PTPRT: variants seen among roughly 807,000 people sequenced by gnomAD.
PTPRT encodes protein tyrosine phosphatase receptor type T.
In PTPRT, 56 loss-of-function variants were observed where a neutral mutation model predicts 176.8. The observed-to-expected ratio is 0.32, with a 90% CI of 0.26 to 0.40. The LOEUF is 0.40. Ranked by LOEUF, PTPRT falls within the 10% of genes least tolerant of loss-of-function variation. PTPRT has a pLI of 1.00. For missense variants in PTPRT, 1,540 were observed against 1,908.2 expected, an observed-to-expected ratio of 0.81 and a Z score of 3.60; for synonymous variants, 783 against 739.0, an observed-to-expected ratio of 1.06 and a Z score of -0.96.
chr20:42,586,928 T>C (rs1309667396), intron 7 of PTPRT, among the ~76,000 whole-genome samples: 1 of 152,084 alleles, frequency 6.6e-6, no homozygotes, highest in Non-Finnish European at 1.5e-5. Flanking sequence ...AGCGCAGTCA[T>C]TGGGAGTGAG....
chr20:42,440,966 T>C (rs2059311123), intron 9 of PTPRT, among the ~76,000 whole-genome samples: 1 of 152,174 alleles, frequency 6.6e-6, no homozygotes, highest in South Asian at 2.1e-4. Context: ...CCCTATGTTA[T>C]GGGGAGCAAT....
intron 9 of PTPRT, among the ~76,000 whole-genome samples, chr20:42,423,355 G>A (rs1047975615): frequency 9.9e-5 from 15 of 152,114 alleles, no homozygotes; most frequent in South Asian, 4.2e-4. Context: ...GGAATGACAC[G>A]TCACCCAGGG....
At chr20:42,128,677 A>G (rs970722568) in intron 19 of PTPRT, 77 bp downstream of exon 19, 9 of 1,312,372 alleles carry the variant, frequency 6.9e-6, no homozygotes, top group Admixed American at 2.3e-5. Context: ...CACCTTCTGG[A>G]GGAGAGTTTG....
At chr20:42,694,810 T>C (rs988737363) in intron 6 of PTPRT, among the ~76,000 whole-genome samples, 4 of 152,220 alleles carry the variant, frequency 2.6e-5, no homozygotes, top group South Asian at 2.1e-4. Context: ...ATCTCATCTG[T>C]ACAGCCTAGT....
chr20:42,793,796 T>C (rs1342713559), intron 2 of PTPRT, among the ~76,000 whole-genome samples: 7 of 152,050 alleles, frequency 4.6e-5, no homozygotes, highest in Non-Finnish European at 1.0e-4. Flanking sequence ...TGCCACAGGG[T>C]TCCAAAAGGT....
Position 42,888,224 on chromosome 20 carries a change from CA to C in PTPRT, c.89-2293del, listed in dbSNP as rs1297992245. Reference sequence around the variant, plus strand: ...CCAGGAATATCAGCATTCAACTTTTCAGGAGCAAAATATAAACTTTTCTTGT... The same window carrying C: ...CCAGGAATATCAGCATTCAACTTTTCGGAGCAAAATATAAACTTTTCTTGT... On this transcript the variant is annotated intron_variant, in intron 1 of 30. Transcript: ENST00000373187. Among the ~76,000 whole-genome samples, 7 of 152,096 alleles carry C rather than the reference CA, an allele frequency of 4.6e-5. No homozygotes were observed. In the East Asian group the frequency reaches 1.3e-3, roughly 29 times the overall value.
At chr20:42,164,982 T>C (rs750584990) in intron 16 of PTPRT, among the ~76,000 whole-genome samples, 6 of 152,226 alleles carry the variant, frequency 3.9e-5, no homozygotes, top group Non-Finnish European at 8.8e-5. Flanking sequence ...ACTTTTTATA[T>C]AGCTGTTACC....
chr20:42,268,192 C>T (rs559346410), intron 13 of PTPRT, among the ~76,000 whole-genome samples: 1 of 152,224 alleles, frequency 6.6e-6, no homozygotes, highest in South Asian at 2.1e-4. Flanking sequence ...AACAAAAACA[C>T]CCTTTGAAAG....
intron 11 of PTPRT, among the ~76,000 whole-genome samples, chr20:42,320,262 C>A (rs2057781418): frequency 6.6e-6 from 1 of 152,136 alleles, no homozygotes; most frequent in Non-Finnish European, 1.5e-5. Context: ...TTTGGAAAAG[C>A]CTGCTGCTTG....
chr20:42,654,742 G>T (rs2075093638), intron 7 of PTPRT, among the ~76,000 whole-genome samples: 1 of 152,110 alleles, frequency 6.6e-6, no homozygotes, highest in African/African-American at 2.4e-5. Context: ...TATAGATAAG[G>T]AATTAGCCCA....
At chr20:42,182,897 T>C (rs1250503797) in intron 16 of PTPRT, among the ~76,000 whole-genome samples, 1 of 135,858 alleles carries the variant, frequency 7.4e-6, no homozygotes, top group African/African-American at 2.8e-5. Flanking sequence ...CTGTTAATCC[T>C]ACAAGCAGGG....
At chr20:42,543,548 G>T (rs747489367) in intron 7 of PTPRT, among the ~76,000 whole-genome samples, 1 of 151,830 alleles carries the variant, frequency 6.6e-6, no homozygotes, top group Non-Finnish European at 1.5e-5. Context: ...ATCTGTGAGG[G>T]TTAGAATCAA....
chr20:42,774,661 C>T lies in PTPRT; in HGVS notation c.569-3111G>A, dbSNP rs79050523. 6.1e-3 allele frequency among the ~76,000 whole-genome samples: 936 copies of T among 152,310 alleles called. 6 individuals carry two copies. The highest frequency in any genetic ancestry group is 0.021 in the African/African-American group (880 of 41,566). On this transcript the variant is annotated intron_variant, in intron 4 of 30. Transcript: ENST00000373187. ...ACAATTTCCACTAGCCAGTCTCACC[C>T]GATCCAGCCCCATACATTCAGGGAT... is the stretch of plus-strand genomic sequence containing the variant.
chr20:42,719,789 C>T (rs1014503154), intron 6 of PTPRT, among the ~76,000 whole-genome samples: 1 of 152,100 alleles, frequency 6.6e-6, no homozygotes, highest in Non-Finnish European at 1.5e-5. Context: ...AGTGTATAAA[C>T]GTCACTGGAT....
intron 1 of PTPRT, among the ~76,000 whole-genome samples, chr20:42,890,669 CATCT>C (rs1406056455): frequency 1.3e-5 from 2 of 152,142 alleles, no homozygotes; most frequent in Non-Finnish European, 2.9e-5. Flanking sequence ...AACCCAGTAA[CATCT>C]ATCTGTCTTG....
chr20:42,870,541 T>C (rs989815190), intron 2 of PTPRT, among the ~76,000 whole-genome samples: 2 of 152,274 alleles, frequency 1.3e-5, no homozygotes, highest in Non-Finnish European at 2.9e-5. Context: ...TAATGGTGTT[T>C]CCGTCAATGA....
chr20:43,021,398 A>C (rs1600653812), intron 1 of PTPRT, among the ~76,000 whole-genome samples: 1 of 152,314 alleles, frequency 6.6e-6, no homozygotes, highest in African/African-American at 2.4e-5. Context: ...CCACCTCTCA[A>C]AGGCAAGAAC....
chr20:43,116,723 C>T (rs2013073565), intron 1 of PTPRT, among the ~76,000 whole-genome samples: 2 of 152,054 alleles, frequency 1.3e-5, no homozygotes, highest in African/African-American at 4.8e-5. Context: ...TTTCTTTTTC[C>T]ACCACAAATG....
chr20:42,166,173 A>G (rs1989817018), intron 16 of PTPRT, among the ~76,000 whole-genome samples: 1 of 152,214 alleles, frequency 6.6e-6, no homozygotes, highest in Non-Finnish European at 1.5e-5. Context: ...AGACTTATCC[A>G]GAGCCAGATC....
Sources: gnomAD v4.1 joint callset for allele counts (sites outside exome capture counted in the v4.1 genomes callset) on GRCh38, gnomAD v4.1.1 for gene constraint, MANE v1.5 for transcripts, NCBI Gene and HGNC (gene_info 2026-07-23, HGNC 2026-07-21) for gene names.